The following ACCSL variants were observed in gnomAD, a reference collection of about 807,000 sequenced individuals.
The protein encoded by ACCSL is 1-aminocyclopropane-1-carboxylate synthase homolog (inactive) like.
In ACCSL, 55 loss-of-function variants were observed where a neutral mutation model predicts 61.7. That is an observed-to-expected ratio of 0.89 (90% CI 0.72 to 1.12). The LOEUF (loss-of-function observed/expected upper bound fraction) is 1.12. Among genes scored for constraint, ACCSL ranks in the 50% most tolerant of loss-of-function variants. ACCSL has a pLI of 0.00. For synonymous variants in ACCSL, 258 were observed against 264.3 expected (o/e 0.98, Z 0.23); for missense variants, 632 against 698.0 (o/e 0.91, Z 1.07).
At chr11:44,052,448 C>T (rs993907175) in intron 5 of ACCSL, among the ~76,000 whole-genome samples, 4 of 152,188 alleles carry the variant, frequency 2.6e-5, no homozygotes, top group Non-Finnish European at 4.4e-5. Context: ...CTAGTGTACC[C>T]GCAAAGAAGA....
the ACCSL span, among the ~76,000 whole-genome samples, chr11:43,994,419 A>G: frequency 6.6e-6 from 1 of 152,218 alleles, no homozygotes; most frequent in Non-Finnish European, 1.5e-5. Flanking sequence ...CAGTGTGGCC[A>G]TACCATTATT....
chr11:44,054,143 T>C (rs1347192629), intron 8 of ACCSL, among the ~76,000 whole-genome samples: 5 of 152,246 alleles, frequency 3.3e-5, no homozygotes, highest in African/African-American at 4.8e-5. Context: ...CCACTTGGGC[T>C]GGAGTGCCGA....
the ACCSL span, among the ~76,000 whole-genome samples, chr11:43,987,504 G>A: frequency 6.6e-6 from 1 of 152,204 alleles, no homozygotes; most frequent in Non-Finnish European, 1.5e-5. Context: ...AGAAGTTGGC[G>A]CTAGGTATCC....
chr11:43,922,974 A>G, the ACCSL span, among the ~76,000 whole-genome samples: 2 of 152,250 alleles, frequency 1.3e-5, no homozygotes, highest in Non-Finnish European at 2.9e-5. Flanking sequence ...ACATTGATCC[A>G]TCATTAACCC....
the ACCSL span, among the ~76,000 whole-genome samples, chr11:44,005,078 T>C: frequency 1.3e-4 from 14 of 109,532 alleles, no homozygotes; most frequent in Non-Finnish European, 2.4e-4. Context: ...CCCGTGCCAG[T>C]CTGCCCTGTG....
intron 5 of ACCSL, among the ~76,000 whole-genome samples, chr11:44,052,302 A>G (rs1391706656): frequency 4.6e-5 from 7 of 152,348 alleles, no homozygotes; most frequent in Non-Finnish European, 8.8e-5. Context: ...CTCCTTGTGC[A>G]TGGACCTTGA....
chr11:43,988,460 A>C, the ACCSL span, among the ~76,000 whole-genome samples: 2 of 150,398 alleles, frequency 1.3e-5, no homozygotes, highest in African/African-American at 4.9e-5. Flanking sequence ...GGTGTTACGG[A>C]GCCATGGAGA....
chr11:44,047,645 A>T (rs2023751), upstream of ACCSL, among the ~76,000 whole-genome samples: 8,360 of 152,244 alleles, frequency 0.055, 445 homozygotes, highest in African/African-American at 0.13. Flanking sequence ...AGTGATGGTG[A>T]TTGTTTTTGA....
chr11:44,030,084 T>TTTTTTTTTTTTTTTTTTTTTTTAA, the ACCSL span, among the ~76,000 whole-genome samples: 1 of 131,664 alleles, frequency 7.6e-6, no homozygotes, highest in South Asian at 2.5e-4. Context: ...TTTTTTTTTT[T>TTTTTTTTTTTTTTTTTTTTTTTAA]AGTATAAAGG....
the ACCSL span, chr11:43,943,343 G>A: frequency 1.2e-5 from 17 of 1,405,712 alleles, no homozygotes; most frequent in Middle Eastern, 2.3e-4. This position sits in a 1 kb window ranked among gnomAD's most constrained non-coding sequence, Gnocchi z 4.8. Flanking sequence ...AACCCCGAGA[G>A]TGCCCGCGCC....
chr11:43,939,939 G>C, the ACCSL span, among the ~76,000 whole-genome samples: 10 of 152,032 alleles, frequency 6.6e-5, no homozygotes, highest in Non-Finnish European at 5.9e-5. Context: ...CTGACCCACA[G>C]CTCCCATCTA....
At chr11:43,926,708 G>A in the ACCSL span, among the ~76,000 whole-genome samples, 55 of 152,352 alleles carry the variant, frequency 3.6e-4, no homozygotes, top group African/African-American at 1.1e-3. Flanking sequence ...AAGAGAAAGC[G>A]TTTGTAACTT....
chr11:44,050,698 C>G, intron 3 of ACCSL, 76 bp downstream of exon 3: 2 of 1,423,612 alleles, frequency 1.4e-6, no homozygotes, highest in Non-Finnish European at 2.0e-6. Flanking sequence ...TTCAAGGCAC[C>G]AAATTCCTGG....
the ACCSL span, among the ~76,000 whole-genome samples, chr11:43,964,003 T>C: frequency 2.2e-3 from 340 of 152,316 alleles, 5 homozygotes; most frequent in Admixed American, 0.021. Flanking sequence ...CTCTTGAGTT[T>C]GCATTAGGTG....
At position 44,058,417 on chromosome 11, in the gene ACCSL, C is replaced by T. The variant is rs1161798714; in HGVS notation, c.1428C>T (p.His476=). The part of the protein sequence containing the change: ...AELKALEIPF[H]NRSSGLYVWI... Reference sequence around the variant, plus strand: ...TGAAGGCATTGGAGATCCCTTTTCACAACCGCAGCTCTGGCCTCTATGTCT... The same window carrying T: ...TGAAGGCATTGGAGATCCCTTTTCATAACCGCAGCTCTGGCCTCTATGTCT... The change falls in exon 12 of 14, where the codon CAC becomes CAT. Residue 476 remains histidine, a synonymous_variant. Transcript: ENST00000378832. 9 of 1,614,166 alleles carry T rather than the reference C, an allele frequency of 5.6e-6. No individual in the cohort carries two copies. In the South Asian group the frequency reaches 9.9e-5, roughly 18 times the overall value.
chr11:43,936,348 C>T, the ACCSL span, among the ~76,000 whole-genome samples: 1 of 152,226 alleles, frequency 6.6e-6, no homozygotes, highest in Non-Finnish European at 1.5e-5. Flanking sequence ...GATATCTTCT[C>T]AACCAAGTTG....
chr11:43,952,295 G>A, the ACCSL span, among the ~76,000 whole-genome samples: 9 of 152,022 alleles, frequency 5.9e-5, no homozygotes, highest in Non-Finnish European at 1.0e-4. Flanking sequence ...TCAATGTTTA[G>A]TGCTCGCTTA....
the ACCSL span, among the ~76,000 whole-genome samples, chr11:43,988,753 C>T: frequency 6.7e-3 from 1,012 of 150,126 alleles, 10 homozygotes; most frequent in Non-Finnish European, 0.011. Context: ...AGGATGATTG[C>T]TCTTAAATTC....
At chr11:43,963,784 G>A in the ACCSL span, among the ~76,000 whole-genome samples, 2 of 152,136 alleles carry the variant, frequency 1.3e-5, no homozygotes, top group Admixed American at 6.5e-5. Flanking sequence ...TGAATGCCTG[G>A]TGAATGTGAC....
Sources: allele counts gnomAD v4.1 joint callset (sites outside exome capture counted in the v4.1 genomes callset), GRCh38; gene constraint gnomAD v4.1.1; non-coding constraint Gnocchi (gnomAD v3.1); transcripts MANE v1.5; gene names NCBI Gene and HGNC (gene_info 2026-07-23, HGNC 2026-07-21).